RORA: variants seen among roughly 807,000 people sequenced by gnomAD.
The protein encoded by RORA is RAR related orphan receptor A, also known as nuclear receptor ROR-alpha.
RORA carries 7 observed loss-of-function variants against 69.5 expected under a neutral mutation model. The observed-to-expected ratio is 0.10, with a 90% CI of 0.06 to 0.19. The LOEUF (loss-of-function observed/expected upper bound fraction) is 0.19. Ranked by LOEUF, RORA falls within the 10% of genes least tolerant of loss-of-function variation. RORA has a pLI of 1.00. For synonymous variants in RORA, 261 were observed against 240.8 expected (o/e 1.08, Z -0.78); for missense variants, 457 against 663.0 (o/e 0.69, Z 3.41).
intron 2 of RORA, among the ~76,000 whole-genome samples, chr15:60,676,900 G>C (rs181489377): frequency 6.6e-6 from 1 of 152,202 alleles, no homozygotes; most frequent in Non-Finnish European, 1.5e-5. Context: ...CTGTATACTA[G>C]GTAACATCTA....
chr15:61,127,352 C>T (rs2079152237), intron 1 of RORA, among the ~76,000 whole-genome samples: 1 of 152,152 alleles, frequency 6.6e-6, no homozygotes, highest in Non-Finnish European at 1.5e-5. Flanking sequence ...ACAAATTAAA[C>T]ACAGCATTTA....
intron 1 of RORA, among the ~76,000 whole-genome samples, chr15:60,887,174 G>A (rs1207278974): frequency 6.6e-6 from 1 of 152,136 alleles, no homozygotes; most frequent in Non-Finnish European, 1.5e-5. Context: ...GAGAGAAAGA[G>A]AGTTGGAATT....
chr15:61,039,829 A>G (rs1896652906), intron 1 of RORA, among the ~76,000 whole-genome samples: 1 of 151,444 alleles, frequency 6.6e-6, no homozygotes. Context: ...TCTGTTAAAA[A>G]TGCAAATCCC....
intron 1 of RORA, among the ~76,000 whole-genome samples, chr15:61,200,867 G>A (rs1180018189): frequency 6.6e-6 from 1 of 152,098 alleles, no homozygotes; most frequent in African/African-American, 2.4e-5. Context: ...CCAGAGGACT[G>A]GATTCACTTT....
chr15:60,999,438 A>G (rs1894675345), intron 1 of RORA, among the ~76,000 whole-genome samples: 1 of 152,160 alleles, frequency 6.6e-6, no homozygotes, highest in South Asian at 2.1e-4. Context: ...GCTAGCTTAT[A>G]TTCATGGATG....
intron 2 of RORA, among the ~76,000 whole-genome samples, chr15:60,579,097 G>A (rs2068116373): frequency 7.2e-6 from 1 of 139,744 alleles, no homozygotes; most frequent in Non-Finnish European, 1.5e-5. Flanking sequence ...AACAGCAACT[G>A]CACAGTAATG....
chr15:60,636,033 C>T (rs915821602), intron 2 of RORA, among the ~76,000 whole-genome samples: 3 of 152,164 alleles, frequency 2.0e-5, no homozygotes, highest in East Asian at 1.9e-4. Context: ...TTTAAAATGC[C>T]GAAAGCTCTC....
intron 1 of RORA, among the ~76,000 whole-genome samples, chr15:60,892,209 T>G (rs781366036): frequency 3.2e-4 from 49 of 152,304 alleles, no homozygotes; most frequent in Admixed American, 9.2e-4. Flanking sequence ...AGATGGGAAA[T>G]GTCTTGCCCA....
At chr15:60,713,171 T>C (rs769913151) in intron 1 of RORA, among the ~76,000 whole-genome samples, 61 of 152,286 alleles carry the variant, frequency 4.0e-4, no homozygotes, top group Non-Finnish European at 7.6e-4. Flanking sequence ...ACAAATGTCA[T>C]AAAGCCAGCA....
chr15:61,088,771 T>A (rs1453624417), intron 1 of RORA, among the ~76,000 whole-genome samples: 1 of 152,110 alleles, frequency 6.6e-6, no homozygotes, highest in Non-Finnish European at 1.5e-5. Flanking sequence ...CAAGAAAAGG[T>A]CTTCCATTTT....
intron 1 of RORA, among the ~76,000 whole-genome samples, chr15:61,041,897 T>C (rs2140472609): frequency 6.6e-6 from 1 of 152,348 alleles, no homozygotes; most frequent in East Asian, 1.9e-4. Context: ...CTCCTTTTAA[T>C]CTTATGAGGT....
At chr15:60,772,417 T>C (rs994200253) in intron 1 of RORA, among the ~76,000 whole-genome samples, 2 of 152,166 alleles carry the variant, frequency 1.3e-5, no homozygotes, top group Non-Finnish European at 2.9e-5. Flanking sequence ...CGTGATTGCC[T>C]GGATTTTAGA....
chr15:61,143,148 A>G (rs1227351403), intron 1 of RORA, among the ~76,000 whole-genome samples: 1 of 152,204 alleles, frequency 6.6e-6, no homozygotes, highest in Non-Finnish European at 1.5e-5. Flanking sequence ...AGATGCTTAT[A>G]AAGCTAGTAC....
intron 1 of RORA, among the ~76,000 whole-genome samples, chr15:60,732,932 AC>A (rs1300699867): frequency 6.6e-6 from 1 of 152,184 alleles, no homozygotes; most frequent in Non-Finnish European, 1.5e-5. Flanking sequence ...TTCTTTCAAA[AC>A]AAAAACTACT....
At chr15:61,003,905 G>T (rs543394813) in intron 1 of RORA, among the ~76,000 whole-genome samples, 3 of 152,196 alleles carry the variant, frequency 2.0e-5, no homozygotes, top group African/African-American at 7.2e-5. Flanking sequence ...AGTAGGGAAA[G>T]GAATAAGCCT....
chr15:60,680,877 G>A (rs1294854453), intron 1 of RORA, among the ~76,000 whole-genome samples: 4 of 152,096 alleles, frequency 2.6e-5, no homozygotes, highest in Non-Finnish European at 2.9e-5. Context: ...ATGGAGAAAA[G>A]CTTAGAAGAC....
chr15:60,830,946 CGT>C (rs139740331), intron 1 of RORA, among the ~76,000 whole-genome samples: 1 of 152,062 alleles, frequency 6.6e-6, no homozygotes, highest in Non-Finnish European at 1.5e-5. Context: ...TGTGCATGCA[CGT>C]GTGTGTGTGT....
chr15:60,825,915 G>A (rs2072949517), intron 1 of RORA, among the ~76,000 whole-genome samples: 1 of 152,178 alleles, frequency 6.6e-6, no homozygotes, highest in South Asian at 2.1e-4. Context: ...TCCTATCACA[G>A]TTCCTGAAAT....
intron 1 of RORA, among the ~76,000 whole-genome samples, chr15:60,915,219 T>A (rs1473848810): frequency 2.0e-5 from 3 of 152,206 alleles, no homozygotes; most frequent in African/African-American, 7.2e-5. Context: ...CTCCCCAGCA[T>A]GGGCCAGAAG....
Sources: allele counts gnomAD v4.1 joint callset (sites outside exome capture counted in the v4.1 genomes callset), GRCh38; gene constraint gnomAD v4.1.1; transcripts MANE v1.5; gene names NCBI Gene and HGNC (gene_info 2026-07-23, HGNC 2026-07-21).